SLC38A6: variants seen among roughly 807,000 people sequenced by gnomAD.
The protein encoded by SLC38A6 is N system amino acid transporter NAT-1.
A neutral mutation model predicts 65.0 loss-of-function variants in SLC38A6; 73 were observed. The observed-to-expected ratio is 1.12, with a 90% CI of 0.93 to 1.37. The LOEUF is 1.37. Among genes scored for constraint, SLC38A6 ranks in the 40% most tolerant of loss-of-function variants. The probability of loss-of-function intolerance (pLI) is 0.00; values close to 1 mark genes in which losing one functional copy is unlikely to be tolerated. For missense variants in SLC38A6, 561 were observed against 531.1 expected, an observed-to-expected ratio of 1.06 and a Z score of -0.55; for synonymous variants, 183 against 178.8, an observed-to-expected ratio of 1.02 and a Z score of -0.19.
intron 4 of SLC38A6, among the ~76,000 whole-genome samples, chr14:61,016,268 T>G (rs563714363): frequency 6.6e-6 from 1 of 152,198 alleles, no homozygotes; most frequent in Non-Finnish European, 1.5e-5. Flanking sequence ...ATTTTGATTA[T>G]GTACTCATAT....
intron 6 of SLC38A6, chr14:61,034,329 T>G (rs1043449964): frequency 6.6e-6 from 1 of 152,172 alleles, no homozygotes; most frequent in Non-Finnish European, 1.5e-5. Flanking sequence ...TTTTTTCTTT[T>G]AAAGAGTGAA....
intron 3 of SLC38A6, among the ~76,000 whole-genome samples, chr14:61,009,687 C>A (rs2039411249): frequency 6.6e-6 from 1 of 152,128 alleles, no homozygotes; most frequent in South Asian, 2.1e-4. Context: ...CAATTTCATC[C>A]ATGTCCCTAC....
At chr14:60,982,228 C>G in intron 1 of SLC38A6, 1 of 500,238 alleles carries the variant, frequency 2.0e-6, no homozygotes, top group South Asian at 1.5e-5. Context: ...CTATCTTCAT[C>G]TCTTGCAGTC....
At chr14:61,011,357 T>C (rs2039551510) in intron 3 of SLC38A6, among the ~76,000 whole-genome samples, 1 of 152,112 alleles carries the variant, frequency 6.6e-6, no homozygotes, top group African/African-American at 2.4e-5. Flanking sequence ...CTTTTCCTAA[T>C]TGAATACCCT....
At chr14:61,076,189 G>T (rs189717295) in intron 15 of SLC38A6, among the ~76,000 whole-genome samples, 1 of 152,182 alleles carries the variant, frequency 6.6e-6, no homozygotes, top group Non-Finnish European at 1.5e-5. Context: ...GTGGCAGTAG[G>T]AATCAGAGGG....
chr14:60,982,700 G>A, intron 2 of SLC38A6, 62 bp downstream of exon 2: 1 of 1,511,164 alleles, frequency 6.6e-7, no homozygotes, highest in Non-Finnish European at 8.9e-7. Context: ...CGGAGAAGTA[G>A]AGAGATAGAT....
chr14:61,014,767 G>C (rs953820744), intron 3 of SLC38A6, among the ~76,000 whole-genome samples: 1 of 152,166 alleles, frequency 6.6e-6, no homozygotes, highest in Non-Finnish European at 1.5e-5. Flanking sequence ...AGGAGTACCC[G>C]GCCGTGTGAG....
At chr14:61,027,806 AG>A (rs1226666808) in intron 5 of SLC38A6, among the ~76,000 whole-genome samples, 2 of 152,034 alleles carry the variant, frequency 1.3e-5, no homozygotes, top group African/African-American at 4.8e-5. Flanking sequence ...CATAGTGAAT[AG>A]AATGGTGGTG....
intron 10 of SLC38A6, among the ~76,000 whole-genome samples, chr14:61,043,779 C>T (rs945084755): frequency 1.3e-5 from 2 of 150,004 alleles, no homozygotes; most frequent in East Asian, 1.9e-4. Context: ...ACAGATTTAC[C>T]GAATGTCTGG....
chr14:61,032,550 T>C (rs1159336650), intron 6 of SLC38A6, among the ~76,000 whole-genome samples: 1 of 151,930 alleles, frequency 6.6e-6, no homozygotes, highest in African/African-American at 2.4e-5. Flanking sequence ...ATTTTTAAAA[T>C]CATATACTTC....
downstream of SLC38A6, among the ~76,000 whole-genome samples, chr14:61,054,412 A>T (rs2042635789): frequency 1.3e-5 from 2 of 152,310 alleles, no homozygotes; most frequent in South Asian, 2.1e-4. Context: ...TCTGTGAAGA[A>T]TGTCATTGGT....
At chr14:60,982,343 G>T in intron 1 of SLC38A6, 165 bp from the exon 2 acceptor site, 1 of 807,558 alleles carries the variant, frequency 1.2e-6, no homozygotes. Flanking sequence ...AGTGGGAGGT[G>T]GGAAGGAAAG....
At position 61,047,966 on chromosome 14, in the gene SLC38A6, GATAGATAGATAC is replaced by G. The variant is rs1379986632; in HGVS notation, c.925+1803_925+1814del. Among the ~76,000 whole-genome samples the G allele has an allele frequency of 5.7e-3, 259 of 45,326 alleles. 1 individual carries two copies. The highest frequency in any genetic ancestry group is 0.015 in the African/African-American group (145 of 9,870). The allele number at this position is 45,326 out of a possible 152,430, so 29.7% of individuals were successfully genotyped here. A position where few individuals can be genotyped will look rare whatever the true frequency, so the allele number is the denominator to read the frequency against. On this transcript the variant is annotated intron_variant, in intron 12 of 15. Transcript: ENST00000267488. ...GAATAGATGATAGATTAGATAGATA[GATAGATAGATAC>G]ATACATACATACATACATACATACA...
intron 15 of SLC38A6, among the ~76,000 whole-genome samples, chr14:61,064,806 A>T (rs1464429811): frequency 6.6e-6 from 1 of 152,062 alleles, no homozygotes; most frequent in East Asian, 1.9e-4. Context: ...ATACTTTTCT[A>T]ACATTTGGAG....
chr14:61,078,403 A>G (rs1403804066), intron 15 of SLC38A6, among the ~76,000 whole-genome samples: 2 of 152,226 alleles, frequency 1.3e-5, no homozygotes, highest in Non-Finnish European at 2.9e-5. Flanking sequence ...GATGACAAGT[A>G]AAAATTTTGC....
At chr14:61,047,974 GATACATACATACATACATACATAC>G (rs201975441) in intron 12 of SLC38A6, among the ~76,000 whole-genome samples, 1,082 of 77,118 alleles carry the variant, frequency 0.014, 13 homozygotes, top group African/African-American at 0.068. Context: ...TAGATAGATA[GATACATACATACATACATACATAC>G]ATACATACAT....
At chr14:61,062,314 A>C (rs571584996) in intron 15 of SLC38A6, among the ~76,000 whole-genome samples, 1 of 152,306 alleles carries the variant, frequency 6.6e-6, no homozygotes, top group African/African-American at 2.4e-5. Context: ...GTTGTCTTAC[A>C]TCCTCACCAG....
chr14:61,063,611 T>C (rs1315365049), intron 15 of SLC38A6, among the ~76,000 whole-genome samples: 1 of 152,214 alleles, frequency 6.6e-6, no homozygotes, highest in Non-Finnish European at 1.5e-5. Flanking sequence ...CCGGTTTTCA[T>C]ATATGGAAAT....
intron 15 of SLC38A6, among the ~76,000 whole-genome samples, chr14:61,069,250 C>T (rs545034624): frequency 6.6e-6 from 1 of 152,230 alleles, no homozygotes; most frequent in Non-Finnish European, 1.5e-5. Flanking sequence ...TGTTACTGTT[C>T]TCTGGTCTCC....
Sources: gnomAD v4.1 joint callset for allele counts (sites outside exome capture counted in the v4.1 genomes callset) on GRCh38, gnomAD v4.1.1 for gene constraint, MANE v1.5 for transcripts, NCBI Gene and HGNC (gene_info 2026-07-23, HGNC 2026-07-21) for gene names.